Variants in FHIP1A observed in about 807,000 individuals in gnomAD.
FHIP1A encodes the protein FHF complex subunit HOOK interacting protein 1A.
In FHIP1A, 61 loss-of-function variants were observed where a neutral mutation model predicts 88.6. The observed-to-expected ratio is 0.69, with a 90% CI of 0.56 to 0.85. The LOEUF is 0.85. FHIP1A is among the 40% of genes least tolerant of loss of function. The probability of loss-of-function intolerance (pLI) is 0.00; values close to 1 mark genes in which losing one functional copy is unlikely to be tolerated. For missense variants in FHIP1A, 1,154 were observed against 1,273.5 expected, an observed-to-expected ratio of 0.91 and a Z score of 1.43; for synonymous variants, 478 against 496.0, an observed-to-expected ratio of 0.96 and a Z score of 0.48.
intron 1 of FHIP1A, among the ~76,000 whole-genome samples, chr4:151,421,886 A>G (rs1031893904): frequency 1.3e-5 from 2 of 152,062 alleles, no homozygotes; most frequent in Admixed American, 6.6e-5. Context: ...TTTCACATAT[A>G]TGATCTAATT....
chr4:151,596,348 C>T (rs1228781199), intron 7 of FHIP1A, among the ~76,000 whole-genome samples: 1 of 152,140 alleles, frequency 6.6e-6, no homozygotes, highest in East Asian at 1.9e-4. Context: ...GAATGTTGGC[C>T]CCCAGTCTCC....
chr4:151,455,162 T>G (rs144545063), intron 2 of FHIP1A, among the ~76,000 whole-genome samples: 12 of 152,334 alleles, frequency 7.9e-5, no homozygotes, highest in Non-Finnish European at 1.6e-4. Context: ...AAAATTAATT[T>G]TACACACACA....
chr4:151,663,499 T>G lies in FHIP1A; in HGVS notation c.*745T>G, dbSNP rs1021508522. The G allele has an allele frequency of 4.6e-5, 7 of 152,238 alleles. No individual in the cohort carries two copies. The highest frequency in any genetic ancestry group is 1.7e-4 in the African/African-American group (7 of 41,464). The allele number at this position is 152,238 out of a possible 1,614,324, so 9.4% of individuals were successfully genotyped here. On this transcript the variant is annotated 3_prime_UTR_variant, in exon 14 of 14. Coordinates refer to ENST00000435205, the MANE Select transcript of FHIP1A (RefSeq NM_001109977.3). ...TTAGTAAGATTTGCACAAAATTAAG[T>G]ATACCTATGCAAACTATTACTTTGG...
intron 3 of FHIP1A, among the ~76,000 whole-genome samples, chr4:151,563,811 G>A (rs994193866): frequency 6.6e-6 from 1 of 151,960 alleles, no homozygotes; most frequent in African/African-American, 2.4e-5. Context: ...GCAACATAGG[G>A]AGACCCTGTC....
intron 7 of FHIP1A, among the ~76,000 whole-genome samples, chr4:151,596,030 GT>G (rs927849227): frequency 6.6e-6 from 1 of 152,124 alleles, no homozygotes; most frequent in African/African-American, 2.4e-5. Flanking sequence ...TACATTTAAG[GT>G]TAATATTTGT....
intron 3 of FHIP1A, among the ~76,000 whole-genome samples, chr4:151,541,844 G>C (rs1732304342): frequency 6.6e-6 from 1 of 152,170 alleles, no homozygotes; most frequent in African/African-American, 2.4e-5. Flanking sequence ...CATGCTCCAT[G>C]ATTCCTTGCT....
chr4:151,567,227 A>G (rs1369952857), intron 4 of FHIP1A, among the ~76,000 whole-genome samples: 1 of 151,836 alleles, frequency 6.6e-6, no homozygotes. Flanking sequence ...CCAACATTGC[A>G]CTCCCCAGGT....
At chr4:151,536,512 C>G (rs1442849228) in intron 3 of FHIP1A, among the ~76,000 whole-genome samples, 1 of 152,148 alleles carries the variant, frequency 6.6e-6, no homozygotes, top group East Asian at 1.9e-4. Flanking sequence ...TCCTCCATTT[C>G]TAAAATTTTA....
chr4:151,433,919 T>C (rs1489475052), intron 1 of FHIP1A, among the ~76,000 whole-genome samples: 3 of 152,174 alleles, frequency 2.0e-5, no homozygotes, highest in Non-Finnish European at 4.4e-5. Context: ...CTATGCCCTT[T>C]TTTGCTATAG....
chr4:151,626,628 G>GA (rs1226414279), intron 7 of FHIP1A, among the ~76,000 whole-genome samples: 3 of 152,096 alleles, frequency 2.0e-5, no homozygotes, highest in Admixed American at 1.3e-4. Context: ...TTATTATTGC[G>GA]TATGATATGG....
chr4:151,455,706 A>C (rs1370772958), intron 2 of FHIP1A, among the ~76,000 whole-genome samples: 1 of 152,194 alleles, frequency 6.6e-6, no homozygotes, highest in African/African-American at 2.4e-5. Flanking sequence ...ACCACATTTC[A>C]GTCTTTGTTA....
intron 7 of FHIP1A, among the ~76,000 whole-genome samples, chr4:151,618,147 A>G (rs1044458440): frequency 2.0e-5 from 3 of 152,220 alleles, no homozygotes; most frequent in Non-Finnish European, 2.9e-5. Flanking sequence ...AAAACACTCA[A>G]TATATATGCA....
chr4:151,570,250 C>A (rs1177770856), intron 4 of FHIP1A, among the ~76,000 whole-genome samples: 1 of 152,124 alleles, frequency 6.6e-6, no homozygotes, highest in Non-Finnish European at 1.5e-5. Context: ...CTGTTTCATC[C>A]CTCTGTGCCT....
In FHIP1A at chr4:151,524,077, C is replaced by T. The variant is rs188235734; in HGVS notation, c.-123+41429C>T. 6.5e-3 allele frequency among the ~76,000 whole-genome samples: 988 copies of T among 152,010 alleles called. 34 individuals carry two copies. The highest frequency in any genetic ancestry group is 0.05 in the Admixed American group (765 of 15,278). On this transcript the variant is annotated intron_variant, in intron 3 of 13. Coordinates refer to ENST00000435205, the MANE Select transcript of FHIP1A (RefSeq NM_001109977.3). ...CTGTAATCCCAGCACTTTGGGAGAC[C>T]GAGGCGGGCAGATCATGAGGTCAGG...
At chr4:151,482,858 G>A (rs912343884) in intron 3 of FHIP1A, among the ~76,000 whole-genome samples, 2 of 151,938 alleles carry the variant, frequency 1.3e-5, no homozygotes, top group Non-Finnish European at 2.9e-5. Flanking sequence ...TTGACCCTCT[G>A]GTAGCATTCT....
At chr4:151,636,688 A>C (rs893708780) in intron 8 of FHIP1A, among the ~76,000 whole-genome samples, 7 of 152,098 alleles carry the variant, frequency 4.6e-5, no homozygotes, top group Non-Finnish European at 1.0e-4. Context: ...GAAGACCTAA[A>C]TAAAAGGGAA....
At chr4:151,469,639 G>A (rs1353474076) in intron 2 of FHIP1A, among the ~76,000 whole-genome samples, 3 of 152,050 alleles carry the variant, frequency 2.0e-5, no homozygotes, top group African/African-American at 7.3e-5. Context: ...ACTGTTTACT[G>A]GCACATTAAA....
intron 3 of FHIP1A, among the ~76,000 whole-genome samples, chr4:151,520,139 C>T (rs1026119667): frequency 6.6e-6 from 1 of 152,066 alleles, no homozygotes; most frequent in Admixed American, 6.5e-5. Flanking sequence ...GGCCTGTTGC[C>T]ACATGTCAAG....
In FHIP1A at chr4:151,562,760, C is replaced by T. The variant is rs138987940; in HGVS notation, c.-122-3378C>T. Among the ~76,000 whole-genome samples the T allele has an allele frequency of 1.9e-3, 293 of 152,202 alleles. 2 individuals carry two copies. Among genetic ancestry groups the T allele is most frequent in the African/African-American group, 5.6e-3 (233 of 41,538 alleles). On this transcript the variant is annotated intron_variant, in intron 3 of 13. Transcript: ENST00000435205. The stretch of plus-strand genomic sequence containing the variant: ...GTTATTGAAAGTTCAGGAGGAAATG[C>T]GATTTTGACATATTTTTAGCTTTTC...
Sources: gnomAD v4.1 joint callset for allele counts (sites outside exome capture counted in the v4.1 genomes callset) on GRCh38, gnomAD v4.1.1 for gene constraint, MANE v1.5 for transcripts, NCBI Gene and HGNC (gene_info 2026-07-23, HGNC 2026-07-21) for gene names.